The following CACNA2D3 variants were observed in gnomAD, a reference collection of about 807,000 sequenced individuals.
CACNA2D3 encodes voltage-dependent calcium channel subunit alpha-2/delta-3.
A neutral mutation model predicts 160.6 loss-of-function variants in CACNA2D3; 60 were observed. The ratio of observed to expected loss-of-function variants is 0.37; its 90% CI spans 0.30 to 0.46. The LOEUF is 0.46. Ranked by LOEUF, CACNA2D3 falls within the 20% of genes least tolerant of loss-of-function variation. CACNA2D3 has a pLI of 1.00. For synonymous variants in CACNA2D3, 558 were observed against 492.9 expected (o/e 1.13, Z -1.75); for missense variants, 1,205 against 1,365.0 (o/e 0.88, Z 1.85).
intron 2 of CACNA2D3, among the ~76,000 whole-genome samples, chr3:54,126,212 T>C (rs1478750131): frequency 2.0e-5 from 3 of 152,242 alleles, no homozygotes; most frequent in Non-Finnish European, 4.4e-5. Context: ...TTTAGTCATT[T>C]TTGCACTAAA....
chr3:54,864,183 A>G (rs556163551), intron 17 of CACNA2D3, among the ~76,000 whole-genome samples: 1 of 152,232 alleles, frequency 6.6e-6, no homozygotes, highest in South Asian at 2.1e-4. Flanking sequence ...AGGCCCTGAG[A>G]TGGATATTGG....
intron 11 of CACNA2D3, among the ~76,000 whole-genome samples, chr3:54,701,298 G>GA (rs1243639684): frequency 6.6e-6 from 1 of 152,150 alleles, no homozygotes; most frequent in African/African-American, 2.4e-5. Context: ...TTAAAGCTTT[G>GA]AAAACTAGTG....
chr3:54,622,345 A>T (rs112682740), intron 9 of CACNA2D3, among the ~76,000 whole-genome samples: 15,644 of 152,068 alleles, frequency 0.1, 2,597 homozygotes, highest in African/African-American at 0.35. Context: ...GTGCAATCTC[A>T]GCTCACTGCA....
intron 35 of CACNA2D3, among the ~76,000 whole-genome samples, chr3:55,035,578 G>A (rs760912942): frequency 6.6e-6 from 1 of 152,148 alleles, no homozygotes; most frequent in East Asian, 1.9e-4. Flanking sequence ...TCTCTCAAAT[G>A]AATTATGCTA....
intron 2 of CACNA2D3, among the ~76,000 whole-genome samples, chr3:54,210,471 C>T (rs1701353789): frequency 6.6e-6 from 1 of 151,764 alleles, no homozygotes. Flanking sequence ...TTTAAGATAG[C>T]TCATACTGGT....
At chr3:54,288,690 T>C (rs1047077022) in intron 2 of CACNA2D3, among the ~76,000 whole-genome samples, 4 of 152,272 alleles carry the variant, frequency 2.6e-5, no homozygotes, top group Middle Eastern at 3.4e-3. Flanking sequence ...ACTGGCAAAC[T>C]GAATCCAGCA....
intron 2 of CACNA2D3, among the ~76,000 whole-genome samples, chr3:54,251,599 T>G (rs956355357): frequency 6.6e-6 from 1 of 152,238 alleles, no homozygotes; most frequent in Non-Finnish European, 1.5e-5. Flanking sequence ...TCAAAAGGGC[T>G]CTAGGAGCCT....
At chr3:54,855,852 C>T (rs1699157975) in intron 17 of CACNA2D3, among the ~76,000 whole-genome samples, 1 of 152,198 alleles carries the variant, frequency 6.6e-6, no homozygotes, top group African/African-American at 2.4e-5. Context: ...GGAACCACTG[C>T]TGGGTGTGGC....
chr3:54,865,933 A>G (rs957207466), intron 17 of CACNA2D3, among the ~76,000 whole-genome samples: 2 of 152,078 alleles, frequency 1.3e-5, no homozygotes, highest in African/African-American at 4.8e-5. Flanking sequence ...GAGGAAAATG[A>G]GGCACAGAGA....
intron 17 of CACNA2D3, among the ~76,000 whole-genome samples, chr3:54,868,528 A>G: frequency 6.6e-6 from 1 of 152,188 alleles, no homozygotes; most frequent in Non-Finnish European, 1.5e-5. Context: ...ATTATAAAAA[A>G]CGAATAAAGA....
At chr3:54,658,906 C>T (rs993465395) in intron 11 of CACNA2D3, among the ~76,000 whole-genome samples, 1 of 152,036 alleles carries the variant, frequency 6.6e-6, no homozygotes, top group Admixed American at 6.5e-5. Context: ...ATGCCCTCTG[C>T]GCAGCCCACT....
At chr3:54,427,316 T>A (rs1016924383) in intron 4 of CACNA2D3, among the ~76,000 whole-genome samples, 1 of 152,150 alleles carries the variant, frequency 6.6e-6, no homozygotes, top group Non-Finnish European at 1.5e-5. Flanking sequence ...CTCGGACACA[T>A]GTGCTTCTTC....
intron 27 of CACNA2D3, among the ~76,000 whole-genome samples, chr3:54,929,204 A>G (rs1248885245): frequency 6.6e-6 from 1 of 152,176 alleles, no homozygotes; most frequent in Non-Finnish European, 1.5e-5. Flanking sequence ...CCCATCTCTG[A>G]CATGGGGACA....
chr3:54,785,703 A>G (rs1035476553), intron 13 of CACNA2D3, among the ~76,000 whole-genome samples: 2 of 152,210 alleles, frequency 1.3e-5, no homozygotes, highest in Non-Finnish European at 2.9e-5. Context: ...ACTAGGAGAG[A>G]GACAAATCCA....
chr3:54,709,210 T>C (rs1486407086), intron 11 of CACNA2D3, among the ~76,000 whole-genome samples: 1 of 151,980 alleles, frequency 6.6e-6, no homozygotes, highest in Non-Finnish European at 1.5e-5. Context: ...AGATGGAGTT[T>C]CACCATATTG....
chr3:54,506,080 G>T (rs958794705), intron 5 of CACNA2D3, among the ~76,000 whole-genome samples: 1 of 152,126 alleles, frequency 6.6e-6, no homozygotes, highest in African/African-American at 2.4e-5. Flanking sequence ...CAGCCAGGCA[G>T]TGAATCACTG....
chr3:54,144,796 A>G (rs1386707337), intron 2 of CACNA2D3, among the ~76,000 whole-genome samples: 4 of 152,222 alleles, frequency 2.6e-5, no homozygotes, highest in Non-Finnish European at 5.9e-5. Context: ...ACATGTCAAG[A>G]GTTTAGCAGA....
chr3:54,544,010 C>T (rs1702023206), intron 5 of CACNA2D3, among the ~76,000 whole-genome samples: 1 of 152,030 alleles, frequency 6.6e-6, no homozygotes, highest in Non-Finnish European at 1.5e-5. Flanking sequence ...TAGTTAGCTG[C>T]TTTCAAAACA....
At chr3:54,946,489 G>A (rs528222700) in intron 27 of CACNA2D3, among the ~76,000 whole-genome samples, 2 of 152,298 alleles carry the variant, frequency 1.3e-5, no homozygotes, top group South Asian at 4.1e-4. Flanking sequence ...ATGAAAGGAG[G>A]GGGGATGTGA....
Sources: gnomAD v4.1 joint callset for allele counts (sites outside exome capture counted in the v4.1 genomes callset) on GRCh38, gnomAD v4.1.1 for gene constraint, MANE v1.5 for transcripts, NCBI Gene and HGNC (gene_info 2026-07-23, HGNC 2026-07-21) for gene names.